The following ASXL2 variants were observed in gnomAD, a reference collection of about 807,000 sequenced individuals.
ASXL2 encodes the protein ASXL transcriptional regulator 2, also known as putative Polycomb group protein ASXL2.
ASXL2 carries 23 observed loss-of-function variants against 122.0 expected under a neutral mutation model. The observed-to-expected ratio is 0.19, with a 90% confidence interval of 0.14 to 0.27. The LOEUF is 0.27. ASXL2 is among the 10% of genes least tolerant of loss of function. The probability of loss-of-function intolerance (pLI) is 1.00; values close to 1 mark genes in which losing one functional copy is unlikely to be tolerated. For missense variants in ASXL2, 1,518 were observed against 1,713.8 expected (o/e 0.89, Z 2.02); for synonymous variants, 650 against 637.0 (o/e 1.02, Z -0.31).
At chr2:25,870,301 G>A (rs1348199857) in intron 1 of ASXL2, among the ~76,000 whole-genome samples, 1 of 152,120 alleles carries the variant, frequency 6.6e-6, no homozygotes, top group Non-Finnish European at 1.5e-5. Flanking sequence ...AAGGTGGATG[G>A]ATCAAGAGGT....
chr2:25,771,194 C>T (rs567437344), intron 6 of ASXL2, among the ~76,000 whole-genome samples: 1 of 152,302 alleles, frequency 6.6e-6, no homozygotes, highest in African/African-American at 2.4e-5. Context: ...TGAGATTGCA[C>T]CCACTGTACT....
At chr2:25,849,483 T>C (rs2089692033) in intron 1 of ASXL2, among the ~76,000 whole-genome samples, 1 of 151,012 alleles carries the variant, frequency 6.6e-6, no homozygotes, top group Admixed American at 6.6e-5. Context: ...AGTTTTTTGT[T>C]GTCTTTTTTG....
intron 3 of ASXL2, among the ~76,000 whole-genome samples, chr2:25,821,803 T>C (rs2089314168): frequency 6.6e-6 from 1 of 152,214 alleles, no homozygotes; most frequent in Admixed American, 6.5e-5. Flanking sequence ...ATGAAAACAC[T>C]GGGGCAACTT....
intron 8 of ASXL2, among the ~76,000 whole-genome samples, chr2:25,766,543 GA>G (rs541148613): frequency 1.6e-3 from 239 of 152,216 alleles, no homozygotes; most frequent in African/African-American, 5.5e-3. Flanking sequence ...GCTTATCTGG[GA>G]ACCTATACAT....
chr2:25,762,791 T>C (rs1279517800), intron 8 of ASXL2, among the ~76,000 whole-genome samples: 1 of 148,498 alleles, frequency 6.7e-6, no homozygotes, highest in Non-Finnish European at 1.5e-5. Context: ...ATAAAACTCA[T>C]CAAATGGGAG....
chr2:25,860,953 A>C (rs527739881), intron 1 of ASXL2, among the ~76,000 whole-genome samples: 6 of 152,176 alleles, frequency 3.9e-5, no homozygotes, highest in African/African-American at 1.4e-4. Context: ...CAGAGGTTGC[A>C]GTGAGCTGAG....
intron 5 of ASXL2, among the ~76,000 whole-genome samples, chr2:25,775,163 T>C (rs2088525703): frequency 6.6e-6 from 1 of 152,136 alleles, no homozygotes; most frequent in Non-Finnish European, 1.5e-5. Flanking sequence ...GTTTCGCTCT[T>C]GTCACCCAGA....
chr2:25,863,700 A>G (rs1370963510), intron 1 of ASXL2, among the ~76,000 whole-genome samples: 1 of 151,144 alleles, frequency 6.6e-6, no homozygotes, highest in Non-Finnish European at 1.5e-5. Flanking sequence ...CTCAAAAACA[A>G]AAACAAAACA....
intron 2 of ASXL2, among the ~76,000 whole-genome samples, chr2:25,844,519 T>C (rs938215098): frequency 2.6e-5 from 4 of 150,972 alleles, no homozygotes; most frequent in African/African-American, 9.8e-5. Flanking sequence ...AGAGTTGCAG[T>C]GAGCCAAGAT....
chr2:25,762,324 A>G (rs988876188), intron 8 of ASXL2, among the ~76,000 whole-genome samples: 1 of 151,678 alleles, frequency 6.6e-6, no homozygotes, highest in Admixed American at 6.6e-5. Context: ...AAAAAAAAAA[A>G]AAAAAAAATC....
intron 4 of ASXL2, among the ~76,000 whole-genome samples, chr2:25,800,584 C>T (rs901457491): frequency 1.3e-5 from 2 of 152,148 alleles, no homozygotes; most frequent in South Asian, 2.1e-4. Flanking sequence ...AGAGAGAATG[C>T]TAATCAGAAA....
intron 5 of ASXL2, among the ~76,000 whole-genome samples, chr2:25,791,210 C>T (rs13033191): frequency 0.062 from 9,474 of 151,842 alleles, 355 homozygotes; most frequent in African/African-American, 0.1. Flanking sequence ...TTTGTGAGGC[C>T]GGGCGTGGAG....
At chr2:25,850,843 T>A (rs1223427010) in intron 1 of ASXL2, among the ~76,000 whole-genome samples, 1 of 152,080 alleles carries the variant, frequency 6.6e-6, no homozygotes, top group African/African-American at 2.4e-5. Flanking sequence ...GAGGTACAAT[T>A]CATATTAAAA....
chr2:25,760,004 A>G (rs185490200), intron 8 of ASXL2, among the ~76,000 whole-genome samples: 1 of 152,264 alleles, frequency 6.6e-6, no homozygotes, highest in Admixed American at 6.5e-5. Context: ...AAGAAAGAAA[A>G]CCCAAATCTA....
chr2:25,774,894 T>C (rs2088520413), intron 5 of ASXL2, among the ~76,000 whole-genome samples: 1 of 152,210 alleles, frequency 6.6e-6, no homozygotes, highest in Admixed American at 6.5e-5. Flanking sequence ...GCTGTGTTTA[T>C]ATCAGGCTTT....
chr2:25,817,553 A>G lies in ASXL2; in HGVS notation c.144-11216T>C, dbSNP rs369607981. Among the ~76,000 whole-genome samples the G allele has an allele frequency of 5.1e-4, 78 of 152,296 alleles. No individual in the cohort carries two copies. The South Asian group carries it at 0.013, about 25-fold the overall frequency. ...TTTCACTGATTAATTTAATTTGGGT[A>G]GGGGGTTATCAGGCATCATTTCTAC... is the stretch of plus-strand genomic sequence containing the variant. On this transcript the variant is annotated intron_variant, in intron 3 of 12. Coordinates refer to ENST00000435504, the MANE Select transcript of ASXL2 (RefSeq NM_018263.6).
At chr2:25,803,806 A>C (rs908915184) in intron 4 of ASXL2, among the ~76,000 whole-genome samples, 2 of 152,142 alleles carry the variant, frequency 1.3e-5, no homozygotes, top group African/African-American at 4.8e-5. Context: ...CTTGCCCACC[A>C]ATCACCTCCA....
intron 5 of ASXL2, among the ~76,000 whole-genome samples, chr2:25,782,379 T>C (rs2088658404): frequency 6.6e-6 from 1 of 151,878 alleles, no homozygotes; most frequent in South Asian, 2.1e-4. Flanking sequence ...GCCCCATCTC[T>C]ACTAAAAATA....
intron 6 of ASXL2, among the ~76,000 whole-genome samples, chr2:25,770,221 T>G (rs964608154): frequency 6.6e-6 from 1 of 152,204 alleles, no homozygotes; most frequent in African/African-American, 2.4e-5. Flanking sequence ...ATTTAATTTT[T>G]TTTTTCAGAC....
Sources: allele counts gnomAD v4.1 joint callset (sites outside exome capture counted in the v4.1 genomes callset), GRCh38; gene constraint gnomAD v4.1.1; transcripts MANE v1.5; gene names NCBI Gene and HGNC (gene_info 2026-07-23, HGNC 2026-07-21).